CKAP5: variants seen among roughly 807,000 people sequenced by gnomAD.
CKAP5 encodes the protein cytoskeleton associated protein 5, also known as cytoskeleton-associated protein 5.
CKAP5 carries 27 observed loss-of-function variants against 232.8 expected under a neutral mutation model. The observed-to-expected ratio is 0.12, with a 90% CI of 0.09 to 0.16. CKAP5 has a LOEUF of 0.16. Among genes scored for constraint, CKAP5 ranks in the 10% least tolerant of loss-of-function variants. The pLI, the probability that CKAP5 is intolerant of heterozygous loss-of-function variation, is 1.00. For synonymous variants in CKAP5, 785 were observed against 841.1 expected (o/e 0.93, Z 1.16); for missense variants, 1,838 against 2,424.7 (o/e 0.76, Z 5.08).
intron 26 of CKAP5, among the ~76,000 whole-genome samples, chr11:46,768,708 G>T (rs926447922): frequency 6.7e-6 from 1 of 148,680 alleles, no homozygotes; most frequent in African/African-American, 2.5e-5. Flanking sequence ...CAGCCTCCTG[G>T]GTAGCTGGGA....
intron 6 of CKAP5, 110 bp from the exon 7 acceptor site, chr11:46,809,610 G>A: frequency 2.3e-6 from 3 of 1,327,164 alleles, no homozygotes; most frequent in Non-Finnish European, 2.2e-6. Context: ...AGGGACCAGA[G>A]TTATTAAAGC....
chr11:46,749,058 C>T (rs1289451812), intron 42 of CKAP5, among the ~76,000 whole-genome samples: 3 of 151,296 alleles, frequency 2.0e-5, no homozygotes, highest in Middle Eastern at 3.2e-3. Context: ...TCTTGAACTC[C>T]TGACCTCGTG....
intron 1 of CKAP5, among the ~76,000 whole-genome samples, chr11:46,826,569 C>G (rs1234801340): frequency 6.6e-6 from 1 of 152,218 alleles, no homozygotes; most frequent in Non-Finnish European, 1.5e-5. Flanking sequence ...CATGCCCAAA[C>G]AAGCACCCTA....
At chr11:46,751,053 A>G in intron 40 of CKAP5, 65 bp downstream of exon 40, 1 of 1,592,608 alleles carries the variant, frequency 6.3e-7, no homozygotes, top group Non-Finnish European at 8.6e-7. Context: ...GGTGACCTAC[A>G]CCTTAGATAA....
At chr11:46,752,193 T>TATATATATAC (rs1408030107) in intron 38 of CKAP5, among the ~76,000 whole-genome samples, 3 of 66,546 alleles carry the variant, frequency 4.5e-5, no homozygotes, top group African/African-American at 1.5e-4. Flanking sequence ...TATATATATA[T>TATATATATAC]ACACACACAC....
chr11:46,753,229 T>C, intron 37 of CKAP5, 81 bp downstream of exon 37: 1 of 1,154,752 alleles, frequency 8.7e-7, no homozygotes, highest in Non-Finnish European at 1.2e-6. Context: ...CCTAGGAAGT[T>C]GACTTACGGA....
Position 46,759,278 on chromosome 11 carries a change from G to A in CKAP5, c.4559C>T (p.Pro1520Leu). 6.2e-7 allele frequency: 1 copy of A among 1,613,120 alleles called. No individual in the cohort carries two copies. Among genetic ancestry groups the A allele is most frequent in the Non-Finnish European group, 8.5e-7 (1 of 1,179,606 alleles). ...LDDIFEPVLI[P>L]EPKIRAVSPH... is the part of the protein sequence containing the mutation. ...AAAGAGTTTAACTCACTTGGGTTCAGGAATAAGGACTGGCTCAAAAATGTC... is the reference window on the plus strand; with the variant it reads ...AAAGAGTTTAACTCACTTGGGTTCAAGAATAAGGACTGGCTCAAAAATGTC... The change falls in exon 34 of 44, where the codon CCT becomes CTT. Residue 1520 changes from proline to leucine, a missense_variant. Coordinates refer to ENST00000529230, the MANE Select transcript of CKAP5 (RefSeq NM_001008938.4).
At position 46,751,466 on chromosome 11, in the gene CKAP5, C is replaced by T. The variant is rs143431133; in HGVS notation, c.5202G>A (p.Leu1734=). 48 of 1,613,858 alleles carry T rather than the reference C, an allele frequency of 3.0e-5. No homozygotes were observed. The highest frequency in any genetic ancestry group is 3.3e-4 in the Middle Eastern group (2 of 6,084). Residue 1734 remains leucine (L), a synonymous_variant, in exon 39 of 44, where the codon CTG becomes CTA. Transcript: ENST00000529230. ...INSINLDRIL[L]DIHIFMKVFP... The stretch of plus-strand genomic sequence containing the variant: ...AGACCTTCATGAAAATGTGGATATC[C>T]AGAAGAATTCTGTCTAGGTTAATGC...
chr11:46,774,788 T>C (rs2065278008), intron 24 of CKAP5, among the ~76,000 whole-genome samples: 3 of 152,332 alleles, frequency 2.0e-5, no homozygotes, highest in South Asian at 4.1e-4. Flanking sequence ...GTTAGCCATA[T>C]GCAGAAAACT....
intron 13 of CKAP5, 141 bp downstream of exon 13, chr11:46,795,453 T>A: frequency 1.6e-6 from 1 of 639,394 alleles, no homozygotes; most frequent in Non-Finnish European, 2.6e-6. Flanking sequence ...GAATATCCTA[T>A]CTTCATTAAC....
At chr11:46,818,853 G>A (rs532323552) in intron 2 of CKAP5, among the ~76,000 whole-genome samples, 175 of 152,150 alleles carry the variant, frequency 1.2e-3, no homozygotes, top group African/African-American at 3.7e-3. Flanking sequence ...AAACTGCCCC[G>A]TCTCCAAAGT....
chr11:46,815,269 C>CA (rs1939370720), intron 4 of CKAP5, among the ~76,000 whole-genome samples: 1 of 151,890 alleles, frequency 6.6e-6, no homozygotes, highest in Non-Finnish European at 1.5e-5. Context: ...AGGCTGGTCT[C>CA]AAACTCCTGA....
intron 1 of CKAP5, among the ~76,000 whole-genome samples, chr11:46,834,969 T>C (rs1421844727): frequency 7.4e-6 from 1 of 135,158 alleles, no homozygotes; most frequent in Non-Finnish European, 1.6e-5. Context: ...CACTCCCAGC[T>C]AATTTTTTTT....
chr11:46,758,386 G>C (rs900054735), intron 35 of CKAP5, among the ~76,000 whole-genome samples: 1 of 152,054 alleles, frequency 6.6e-6, no homozygotes, highest in Non-Finnish European at 1.5e-5. Flanking sequence ...CCCCATTTAA[G>C]TTATATTTAC....
At chr11:46,751,057 TAGATA>T in intron 40 of CKAP5, 56 bp downstream of exon 40, 2 of 1,596,610 alleles carry the variant, frequency 1.3e-6, no homozygotes, top group Non-Finnish European at 1.7e-6. Flanking sequence ...ACCTACACCT[TAGATA>T]AGATCACTTC....
chr11:46,809,432 A>G lies in CKAP5; in HGVS notation c.832T>C (p.Ser278Pro), dbSNP rs777814200. 3 of 1,611,754 alleles carry G rather than the reference A, an allele frequency of 1.9e-6. No homozygotes were observed. The highest frequency in any genetic ancestry group is 2.5e-6 in the Non-Finnish European group (3 of 1,178,924). ...TCATAAAAGTCTTTGGGAAGTTTGG[A>G]AAGGATTTCTACAGCTTCTAAAAGC... ...YELLEAVEIL[S>P]KLPKDFYDKI... The change falls in exon 7 of 44, where the codon TCC becomes CCC. Residue 278 changes from serine to proline, a missense_variant. Ser to Pro is a moderately conservative substitution (Grantham distance 74). Transcript: ENST00000529230.
intron 18 of CKAP5, among the ~76,000 whole-genome samples, chr11:46,782,662 C>T (rs1043839581): frequency 6.6e-6 from 1 of 152,220 alleles, no homozygotes; most frequent in African/African-American, 2.4e-5. Flanking sequence ...TTGCCACTTT[C>T]CTAACTATGA....
In CKAP5 at chr11:46,752,667, T is replaced by C. The variant is rs776619024; in HGVS notation, c.5101A>G (p.Ser1701Gly). Residue 1701 changes from serine to glycine, a missense_variant, in exon 38 of 44, where the codon AGT (serine) becomes GGT (glycine). Physicochemically the swap from Ser to Gly is moderately conservative, Grantham distance 56 (BLOSUM62 0). Around this residue, in one of 6 missense-constraint regions of CKAP5, gnomAD observed 579 missense variants for 843.2 expected, o/e 0.69. Transcript: ENST00000529230. ...LLQDSLLATA[S>G]SPKFSELVMK... ...ACAAGCTCTGAGAATTTGGGAGAAC[T>C]GGCTGTTGCTAGCAGGCTGTCTTGG... is the stretch of plus-strand genomic sequence containing the variant. 5.6e-6 allele frequency: 9 copies of C among 1,613,350 alleles called. No individual in the cohort carries two copies. The highest frequency in any genetic ancestry group is 1.7e-5 in the Admixed American group (1 of 59,928).
At chr11:46,752,123 A>T (rs2065068870) in intron 38 of CKAP5, among the ~76,000 whole-genome samples, 1 of 144,442 alleles carries the variant, frequency 6.9e-6, no homozygotes, top group Non-Finnish European at 1.5e-5. Flanking sequence ...CTGAACTTAG[A>T]ATATAAATTG....
Sources: allele counts gnomAD v4.1 joint callset (sites outside exome capture counted in the v4.1 genomes callset), GRCh38; gene constraint gnomAD v4.1.1; regional missense constraint gnomAD v4.1.1; transcripts MANE v1.5; gene names NCBI Gene and HGNC (gene_info 2026-07-23, HGNC 2026-07-21).